The following OBSL1 variants were observed in gnomAD, a reference collection of about 807,000 sequenced individuals.
The protein encoded by OBSL1 is obscurin like cytoskeletal adaptor 1, also known as obscurin-like protein 1.
In OBSL1, 160 loss-of-function variants were observed where a neutral mutation model predicts 172.0. That is an observed-to-expected ratio of 0.93 (90% confidence interval 0.82 to 1.06). The LOEUF (loss-of-function observed/expected upper bound fraction) is 1.06. Ranked by LOEUF, OBSL1 falls within the 50% of genes least tolerant of loss-of-function variation. The pLI is 0.00. For synonymous variants in OBSL1, 1,200 were observed against 1,196.3 expected (o/e 1.00, Z -0.06); for missense variants, 2,681 against 2,715.4 (o/e 0.99, Z 0.28).
At chr2:219,555,661 G>A (rs1406210978) in intron 14 of OBSL1, 1 of 1,079,778 alleles carries the variant, frequency 9.3e-7, no homozygotes, top group Admixed American at 4.8e-5. Context: ...TCCAGCTTTG[G>A]GTGGGAGGTG....
At position 219,556,639 on chromosome 2, in the gene OBSL1, G is replaced by T. The variant is rs374821282; in HGVS notation, c.4151C>A (p.Ser1384Tyr). 1 of 1,613,932 alleles carries T rather than the reference G, an allele frequency of 6.2e-7. No individual in the cohort carries two copies. Among genetic ancestry groups the T allele is most frequent in the South Asian group, 1.1e-5 (1 of 91,084 alleles). The change falls in exon 13 of 21, where the codon TCC becomes TAC. Residue 1384 changes from serine to tyrosine, a missense_variant. Transcript: ENST00000404537. Reference protein sequence around the residue: ...GDDATFRCEVSPPDADVTWLR... With the variant: ...GDDATFRCEVYPPDADVTWLR... ...CCAGGTGACATCGGCATCTGGTGGG[G>T]AGACTTCACACCGGAACGTGGCATC...
At position 219,565,238 on chromosome 2, in the gene OBSL1, T is replaced by C. The variant is rs768389748; in HGVS notation, c.2407+4A>G. On this transcript the variant is annotated splice_donor_region_variant and intron_variant, in intron 6 of 20. Transcript: ENST00000404537. ...GAGGAGCCCAGGCTGGCATGCTTCCTGACCTTGGACAGTGACGCCGAAGAA... is the reference window on the plus strand; with the variant it reads ...GAGGAGCCCAGGCTGGCATGCTTCCCGACCTTGGACAGTGACGCCGAAGAA... The C allele has an allele frequency of 2.5e-6, 4 of 1,605,050 alleles. No individual in the cohort carries two copies. Among genetic ancestry groups the C allele is most frequent in the Non-Finnish European group, 3.4e-6 (4 of 1,174,266 alleles).
Position 219,552,595 on chromosome 2 carries a change from C to A in OBSL1, c.5249G>T (p.Arg1750Leu), listed in dbSNP as rs780113909. Residue 1750 changes from arginine to leucine, a missense_variant, in exon 18 of 21, where the codon CGC (arginine) becomes CTC (leucine). By Grantham distance (102) the Arg-to-Leu change is moderately radical (BLOSUM62 -2). Transcript: ENST00000404537. ...CTVSEVETTG[R>L]WELGGRPLRP... is the part of the protein sequence containing the mutation. Reference sequence around the variant, plus strand: ...CAGCGGGCGGCCTCCGAGCTCCCAGCGCCCCGTGGTCTCGACCTCCGACAC... The same window carrying A: ...CAGCGGGCGGCCTCCGAGCTCCCAGAGCCCCGTGGTCTCGACCTCCGACAC... 2 of 1,584,704 alleles carry A rather than the reference C, an allele frequency of 1.3e-6. No homozygotes were observed. The highest frequency in any genetic ancestry group is 1.7e-4 in the Middle Eastern group (1 of 5,936).
chr2:219,556,546 A>G lies in OBSL1; in HGVS notation c.4244T>C (p.Ile1415Thr). 6.2e-7 allele frequency: 1 copy of G among 1,613,898 alleles called. No homozygotes were observed. The highest frequency in any genetic ancestry group is 8.5e-7 in the Non-Finnish European group (1 of 1,179,864). ...VEMAQNGSSR[I>T]LTLRGCQLGD... The stretch of plus-strand genomic sequence containing the variant: ...CAGTTGGCAGCCTCGCAAGGTTAAG[A>G]TGCGGCTTGAACCATTCTGGGCCAT... The change falls in exon 13 of 21, where the codon ATC becomes ACC. Residue 1415 changes from isoleucine to threonine, a missense_variant. By Grantham distance (89) the Ile-to-Thr change is moderately conservative (BLOSUM62 -1). Transcript: ENST00000404537.
In OBSL1 at chr2:219,555,059, T is replaced by G; in HGVS notation, c.4610-319A>C. ...AGTCAGACACACTAGGAATGGAACC[T>G]CGCTCTACCACATAGTTTGTGTGCT... On this transcript the variant is annotated intron_variant, in intron 14 of 20. Transcript: ENST00000404537. 1.3e-5 allele frequency: 5 copies of G among 377,582 alleles called. No individual in the cohort carries two copies. In the East Asian group the frequency reaches 2.3e-4, roughly 17 times the overall value. 23.4% of individuals were successfully genotyped at this position (377,582 alleles called of 1,614,324 possible).
rs1456435158 is a variant in OBSL1 at position 219,562,253 on chromosome 2, C to T, written c.2953+149G>A. The T allele has an allele frequency of 1.3e-5, 12 of 955,602 alleles. No homozygotes were observed. The East Asian group carries it at 2.5e-4, about 20-fold the overall frequency. The allele number at this position is 955,602 out of a possible 1,614,324, so 59.2% of individuals were successfully genotyped here. Reference sequence around the variant, plus strand: ...AGGGGCTTGTTTCCTTGAATAGGGGCCCTGGGCTCATCTCAGCAAGAACCC... The same window carrying T: ...AGGGGCTTGTTTCCTTGAATAGGGGTCCTGGGCTCATCTCAGCAAGAACCC... On this transcript the variant is annotated intron_variant, in intron 8 of 20. Coordinates refer to ENST00000404537, the MANE Select transcript of OBSL1 (RefSeq NM_015311.3).
In OBSL1 at chr2:219,568,151, G is replaced by A. The variant is rs1697060453; in HGVS notation, c.1186C>T (p.Arg396Cys). 1.2e-6 allele frequency: 2 copies of A among 1,613,792 alleles called. No individual in the cohort carries two copies. Among genetic ancestry groups the A allele is most frequent in the Non-Finnish European group, 1.7e-6 (2 of 1,179,896 alleles). ...GCCTTCAGCCTGTGGATGATGAGGC[G>A]CCGGACAGTGCCCTCTTCGATCTGC... ...YEQIEEGTVR[R>C]LIIHRLKADD... Residue 396 changes from arginine (R) to cysteine (C), a missense_variant, in exon 2 of 21, where the codon CGC becomes TGC. By Grantham distance (180) the Arg-to-Cys change is radical. Transcript: ENST00000404537. This position sits in a 1 kb window ranked among gnomAD's most constrained non-coding sequence, Gnocchi z 4.1.
At position 219,570,770 on chromosome 2, in the gene OBSL1, G is replaced by A. The variant is rs547450690; in HGVS notation, c.463C>T (p.Pro155Ser). 8.4e-5 allele frequency: 126 copies of A among 1,491,186 alleles called. No individual in the cohort carries two copies. The East Asian group carries it at 3.6e-3, about 42-fold the overall frequency. 92.4% of individuals were successfully genotyped at this position (1,491,186 alleles called of 1,614,324 possible). The change falls in exon 1 of 21, where the codon CCC becomes TCC. Residue 155 changes from proline to serine, a missense_variant. Pro to Ser is a moderately conservative substitution (Grantham distance 74). This residue lies in a region of OBSL1 where 706 missense variants were observed against 695.8 expected (regional missense o/e 1.01). Coordinates refer to ENST00000404537, the MANE Select transcript of OBSL1 (RefSeq NM_015311.3). ...TTCTCCCAGTACAGTGTGGGCTCGG[G>A]GAGGCCCCCCGCCCGGCACGTCAGC... ...VVLTCRAGGL[P>S]EPTLYWEKDG...
At chr2:219,560,365 T>A (rs1301853680) in intron 8 of OBSL1, among the ~76,000 whole-genome samples, 3 of 152,136 alleles carry the variant, frequency 2.0e-5, no homozygotes, top group Non-Finnish European at 4.4e-5. Context: ...TGTCTGAGAG[T>A]TCCCCAGGGG....
intron 8 of OBSL1, chr2:219,562,148 T>C (rs559200195): frequency 3.0e-6 from 2 of 659,862 alleles, no homozygotes; most frequent in Non-Finnish European, 5.6e-6. Context: ...ACTCACCTGC[T>C]ACTCCCAGTG....
At position 219,562,409 on chromosome 2, in the gene OBSL1, G is replaced by T. The variant is rs191906065; in HGVS notation, c.2946C>A (p.Thr982=). 1 of 1,613,316 alleles carries T rather than the reference G, an allele frequency of 6.2e-7. No individual in the cohort carries two copies. Among genetic ancestry groups the T allele is most frequent in the Non-Finnish European group, 8.5e-7 (1 of 1,179,608 alleles). Residue 982 remains threonine, a synonymous_variant, in exon 8 of 21, where the codon ACC becomes ACA. Transcript: ENST00000404537. The part of the protein sequence containing the change: ...IDDESASFTV[T]VTEPPVRIIY... ...GCTGGGCTGGGCCCACACCTGTGAC[G>T]GTGACAGTGAAGGAGGCCGACTCAT...
rs371704406 is a variant in OBSL1, at chr2:219,567,573, C to T, written c.1537G>A (p.Val513Ile). Residue 513 changes from valine to isoleucine, a missense_variant and splice_region_variant, in exon 4 of 21, where the codon GTC becomes ATC. Around this residue, in one of 5 missense-constraint regions of OBSL1, gnomAD observed 706 missense variants for 695.8 expected, o/e 1.01. Transcript: ENST00000404537. ...RTTTLLRVKCVKHSPPGPPIL... is the reference protein window; with the variant it reads ...RTTTLLRVKCIKHSPPGPPIL... ...GGGGGTCCTGGGGGACTGTGCTTGA[C>T]ACCTGAGACCAAGGCAGGGATGTGT... is the stretch of plus-strand genomic sequence containing the variant. 4.0e-5 allele frequency: 64 copies of T among 1,607,200 alleles called. No homozygotes were observed. The highest frequency in any genetic ancestry group is 5.3e-5 in the Non-Finnish European group (62 of 1,174,532).
At chr2:219,550,716 G>C, downstream of OBSL1, 1 of 1,374,966 alleles carries the variant, frequency 7.3e-7, no homozygotes, top group Non-Finnish European at 1.0e-6. Flanking sequence ...ATCACTCAGA[G>C]AGGCAAGGAA....
chr2:219,570,774 G>GC lies in OBSL1; in HGVS notation c.458dup (p.Leu154ProfsTer100), dbSNP rs767237510. 9.4e-6 allele frequency: 14 copies of GC among 1,489,534 alleles called. No homozygotes were observed. In the East Asian group the frequency reaches 1.8e-4, roughly 19 times the overall value. 92.3% of individuals were successfully genotyped at this position (1,489,534 alleles called of 1,614,324 possible). ...CCCAGTACAGTGTGGGCTCGGGGAG[G>GC]CCCCCCGCCCGGCACGTCAGCACCA... On this transcript the variant is annotated frameshift_variant, in exon 1 of 21. Transcript: ENST00000404537. LOFTEE classifies it high-confidence loss of function.
chr2:219,556,970 A>G (rs1696059342), intron 12 of OBSL1: 1 of 524,194 alleles, frequency 1.9e-6, no homozygotes. Context: ...ATCAATTACC[A>G]GGGACCCTAT....
At chr2:219,564,221 G>A (rs1406828030) in intron 6 of OBSL1, among the ~76,000 whole-genome samples, 2 of 152,210 alleles carry the variant, frequency 1.3e-5, no homozygotes, top group African/African-American at 4.8e-5. Flanking sequence ...CCTGGATACT[G>A]GGGCTCTGGA....
rs546711079 is a variant in OBSL1, at chr2:219,567,752, G to C, written c.1500C>G (p.Gly500=). The C allele has an allele frequency of 1.9e-6, 3 of 1,613,372 alleles. No individual in the cohort carries two copies. In the South Asian group the frequency reaches 3.3e-5, roughly 18 times the overall value. Residue 500 remains glycine, a synonymous_variant, in exon 3 of 21, where the codon GGC becomes GGG. Transcript: ENST00000404537. ...TGAGAAGCGTAGTGGTACGGGAGTT[G>C]CCCAGGCTAAAGGTGACCTCGCCAG... ...EDAGEVTFSL[G]NSRTTTLLRV...
At position 219,567,525 on chromosome 2, in the gene OBSL1, C is replaced by A. The variant is rs1367891401; in HGVS notation, c.1585G>T (p.Gly529Cys). 6.2e-7 allele frequency: 1 copy of A among 1,613,210 alleles called. No individual in the cohort carries two copies. The highest frequency in any genetic ancestry group is 1.7e-5 in the Admixed American group (1 of 59,928). Residue 529 changes from glycine to cysteine, a missense_variant, in exon 4 of 21, where the codon GGC becomes TGC. Around this residue, in one of 5 missense-constraint regions of OBSL1, gnomAD observed 706 missense variants for 695.8 expected, o/e 1.01. Coordinates refer to ENST00000404537, the MANE Select transcript of OBSL1 (RefSeq NM_015311.3). Reference sequence around the variant, plus strand: ...GTCAACAGGACCGTGTTCTTGTGGCCCTTGAACATCTCTGCCAATATGGGG... The same window carrying A: ...GTCAACAGGACCGTGTTCTTGTGGCACTTGAACATCTCTGCCAATATGGGG... ...GPPILAEMFK[G>C]HKNTVLLTWK...
chr2:219,564,083 G>A (rs1559148947), intron 6 of OBSL1, among the ~76,000 whole-genome samples: 1 of 152,214 alleles, frequency 6.6e-6, no homozygotes, highest in Non-Finnish European at 1.5e-5. Flanking sequence ...CTGTCACTGG[G>A]TGCATTCAGG....
Sources: gnomAD v4.1 joint callset for allele counts (sites outside exome capture counted in the v4.1 genomes callset) on GRCh38, gnomAD v4.1.1 for gene constraint, gnomAD v4.1.1 regional missense constraint, Gnocchi (gnomAD v3.1) non-coding constraint, MANE v1.5 for transcripts, NCBI Gene and HGNC (gene_info 2026-07-23, HGNC 2026-07-21) for gene names.